Variants in THUMPD2 observed in about 807,000 individuals in gnomAD.
THUMPD2 encodes U6 snRNA (guanine-N(2))-methyltransferase THUMPD2.
In THUMPD2, 56 loss-of-function variants were observed where a neutral mutation model predicts 49.4. The observed-to-expected ratio is 1.13, with a 90% CI of 0.91 to 1.41. The LOEUF is 1.41. Ranked by LOEUF, THUMPD2 falls within the 40% of genes most tolerant of loss-of-function variation. THUMPD2 has a pLI of 0.00. For synonymous variants in THUMPD2, 237 were observed against 205.2 expected (o/e 1.15, Z -1.32); for missense variants, 709 against 594.5 (o/e 1.19, Z -2.00).
intron 6 of THUMPD2, chr2:39,757,301 T>C (rs1374814994): frequency 1.0e-5 from 10 of 967,602 alleles, no homozygotes; most frequent in African/African-American, 6.8e-5. Context: ...CATCCACCAC[T>C]TGATATGTCT....
intron 8 of THUMPD2, among the ~76,000 whole-genome samples, chr2:39,753,842 G>C (rs1351048250): frequency 6.6e-6 from 1 of 152,150 alleles, no homozygotes; most frequent in Non-Finnish European, 1.5e-5. Context: ...AACTAGAGTT[G>C]CAACAGTCTC....
intron 4 of THUMPD2, 117 bp from the exon 5 acceptor site, chr2:39,766,226 G>T: frequency 3.1e-6 from 2 of 646,900 alleles, no homozygotes; most frequent in South Asian, 3.1e-5. Context: ...GAAACTCCAA[G>T]GCCTTATTCA....
At chr2:39,748,055 T>A (rs530762134) in intron 8 of THUMPD2, among the ~76,000 whole-genome samples, 8 of 152,238 alleles carry the variant, frequency 5.3e-5, no homozygotes, top group Non-Finnish European at 1.2e-4. Flanking sequence ...CATTTCTTCG[T>A]GTTTTTAGGG....
chr2:39,761,767 A>G (rs1395561246), intron 5 of THUMPD2, among the ~76,000 whole-genome samples: 6 of 152,122 alleles, frequency 3.9e-5, no homozygotes, highest in Non-Finnish European at 8.8e-5. Flanking sequence ...TGAAGTCATG[A>G]AGGGGAATGT....
chr2:39,771,721 A>C, intron 1 of THUMPD2, 81 bp from the exon 2 acceptor site: 1 of 1,373,164 alleles, frequency 7.3e-7, no homozygotes, highest in Non-Finnish European at 9.9e-7. Context: ...ATAGCATCTA[A>C]ATTAAAAATA....
intron 8 of THUMPD2, among the ~76,000 whole-genome samples, chr2:39,750,507 G>A (rs747417513): frequency 3.3e-5 from 5 of 152,100 alleles, no homozygotes; most frequent in Non-Finnish European, 5.9e-5. Context: ...AGGAGTTTGC[G>A]ACCAGCCTGG....
intron 9 of THUMPD2, among the ~76,000 whole-genome samples, chr2:39,744,042 G>GTTT (rs11303287): frequency 2.1e-5 from 3 of 142,380 alleles, no homozygotes; most frequent in Non-Finnish European, 4.6e-5. Context: ...GAGAAGGCAG[G>GTTT]TTTTTTTTTT....
chr2:39,757,065 C>T (rs1030083973), intron 6 of THUMPD2, among the ~76,000 whole-genome samples: 8 of 151,906 alleles, frequency 5.3e-5, no homozygotes, highest in African/African-American at 1.9e-4. Flanking sequence ...AGGCAGGTTA[C>T]TGAGTGGTTA....
At chr2:39,775,177 G>C (rs959413028) in intron 1 of THUMPD2, among the ~76,000 whole-genome samples, 1 of 152,108 alleles carries the variant, frequency 6.6e-6, no homozygotes, top group Non-Finnish European at 1.5e-5. Flanking sequence ...TACTCAGAAG[G>C]GTAAGGTGGG....
intron 1 of THUMPD2, among the ~76,000 whole-genome samples, chr2:39,778,121 A>C (rs1679359500): frequency 6.6e-6 from 1 of 152,210 alleles, no homozygotes. Flanking sequence ...TCATCTGTTA[A>C]ATGTGGAACA....
At chr2:39,770,396 G>C (rs1392679103) in intron 2 of THUMPD2, among the ~76,000 whole-genome samples, 3 of 151,928 alleles carry the variant, frequency 2.0e-5, no homozygotes, top group Non-Finnish European at 2.9e-5. Context: ...TTTGTGCTAT[G>C]GTAATATATG....
chr2:39,771,613 A>T lies in THUMPD2; in HGVS notation c.154T>A (p.Phe52Ile), dbSNP rs1678325562. 1.2e-6 allele frequency: 2 copies of T among 1,604,474 alleles called. No individual in the cohort carries two copies. Among genetic ancestry groups the T allele is most frequent in the South Asian group, 1.1e-5 (1 of 88,184 alleles). The stretch of plus-strand genomic sequence containing the variant: ...ATATTCAAATCAGAACAGGTGGTGA[A>T]AAAAACCTTTCCTGAAATATATTCA... ...QVEYISGKVF[F>I]TTCSDLNMLK... The change falls in exon 2 of 10, where the codon TTC becomes ATC. Residue 52 changes from phenylalanine to isoleucine, a missense_variant. Phe to Ile is a conservative substitution (Grantham distance 21). Transcript: ENST00000505747.
At chr2:39,767,084 CTCT>C (rs1452322298) in intron 4 of THUMPD2, among the ~76,000 whole-genome samples, 5 of 152,110 alleles carry the variant, frequency 3.3e-5, no homozygotes, top group Non-Finnish European at 7.4e-5. Context: ...GATTTGATTC[CTCT>C]GTCAATTTTT....
chr2:39,740,576 A>C (rs1389564877), intron 9 of THUMPD2, among the ~76,000 whole-genome samples: 1 of 152,312 alleles, frequency 6.6e-6, no homozygotes, highest in Admixed American at 6.5e-5. Flanking sequence ...ATGTCCTTCT[A>C]GGCATCTTTC....
At chr2:39,751,428 G>A (rs1426550366) in intron 8 of THUMPD2, among the ~76,000 whole-genome samples, 1 of 152,194 alleles carries the variant, frequency 6.6e-6, no homozygotes, top group Non-Finnish European at 1.5e-5. Context: ...TAATTGGAAG[G>A]AAAGAAAATA....
chr2:39,744,226 C>T (rs1035619005), intron 9 of THUMPD2, 144 bp downstream of exon 9: 2 of 492,326 alleles, frequency 4.1e-6, no homozygotes, highest in Non-Finnish European at 3.6e-6. Flanking sequence ...TTATAAACTT[C>T]TGACTTAAAA....
intron 8 of THUMPD2, among the ~76,000 whole-genome samples, chr2:39,746,153 T>C (rs144561128): frequency 2.3e-4 from 35 of 152,310 alleles, no homozygotes; most frequent in Middle Eastern, 3.4e-3. Flanking sequence ...AAATGGGAGA[T>C]GACAGCCAGG....
At chr2:39,737,992 C>T (rs1673355781) in intron 9 of THUMPD2, among the ~76,000 whole-genome samples, 1 of 152,030 alleles carries the variant, frequency 6.6e-6, no homozygotes, top group South Asian at 2.1e-4. Flanking sequence ...CGGATTCCAC[C>T]AGAGAGCTGG....
intron 6 of THUMPD2, chr2:39,757,309 T>C: frequency 9.6e-7 from 1 of 1,039,148 alleles, no homozygotes; most frequent in Non-Finnish European, 1.3e-6. Context: ...ACTTGATATG[T>C]CTACAGAGGA....
Sources: allele counts gnomAD v4.1 joint callset (sites outside exome capture counted in the v4.1 genomes callset), GRCh38; gene constraint gnomAD v4.1.1; transcripts MANE v1.5; gene names NCBI Gene and HGNC (gene_info 2026-07-23, HGNC 2026-07-21).